Variants in RCBTB1 observed in about 807,000 individuals in gnomAD.
RCBTB1 encodes RCC1 and BTB domain containing protein 1.
A neutral mutation model predicts 62.4 loss-of-function variants in RCBTB1; 46 were observed. That is an observed-to-expected ratio of 0.74 (90% CI 0.58 to 0.94). The LOEUF is 0.94. RCBTB1 is among the 40% of genes least tolerant of loss of function. RCBTB1 has a pLI of 0.00. For synonymous variants in RCBTB1, 222 were observed against 245.8 expected, an observed-to-expected ratio of 0.90 and a Z score of 0.91; for missense variants, 565 against 654.9, an observed-to-expected ratio of 0.86 and a Z score of 1.50.
intron 9 of RCBTB1, among the ~76,000 whole-genome samples, chr13:49,548,041 A>G (rs955724407): frequency 4.6e-5 from 7 of 152,090 alleles, no homozygotes; most frequent in Non-Finnish European, 8.8e-5. Flanking sequence ...GGCCTCCCAA[A>G]GTGCTGAGAT....
Position 49,544,968 on chromosome 13 carries a change from T to G in RCBTB1, c.1046-105A>C, listed in dbSNP as rs1960683137. 2.6e-5 allele frequency: 24 copies of G among 932,656 alleles called. 1 individual carries two copies. In the South Asian group the frequency reaches 4.0e-4, roughly 15 times the overall value. 57.8% of individuals were successfully genotyped at this position (932,656 alleles called of 1,614,324 possible). On this transcript the variant is annotated intron_variant, in intron 9 of 12. Transcript: ENST00000378302. The stretch of plus-strand genomic sequence containing the variant: ...TGACCGTGATGGATAATTCCACTTG[T>G]TTTTTTTTCAAGAGTTCATACCTTG...
chr13:49,559,588 G>A (rs946895821), intron 5 of RCBTB1, among the ~76,000 whole-genome samples: 4 of 149,172 alleles, frequency 2.7e-5, no homozygotes, highest in Admixed American at 2.7e-4. Flanking sequence ...CCCGGGAGGC[G>A]GAGCTTGCAG....
intron 12 of RCBTB1, among the ~76,000 whole-genome samples, chr13:49,537,048 G>A (rs749092803): frequency 5.3e-5 from 8 of 152,132 alleles, no homozygotes; most frequent in Non-Finnish European, 8.8e-5. Context: ...CCGCCTCTAA[G>A]GGAGTTCTTA....
chr13:49,547,170 C>T (rs1157800821), intron 9 of RCBTB1: 1 of 1,140,634 alleles, frequency 8.8e-7, no homozygotes, highest in Non-Finnish European at 1.1e-6. Flanking sequence ...TCACAATACT[C>T]ACTGCAAAAA....
In RCBTB1 at chr13:49,533,439, A is replaced by AT. The variant is rs1285375582; in HGVS notation, c.*682dup. 2.6e-5 allele frequency: 4 copies of AT among 152,222 alleles called. No homozygotes were observed. Among genetic ancestry groups the AT allele is most frequent in the African/African-American group, 9.7e-5 (4 of 41,450 alleles). The allele number at this position is 152,222 out of a possible 1,614,324, so 9.4% of individuals were successfully genotyped here. ...ATCAACTTTTCACGGATACTTCTAA[A>AT]TTACTATTCTTTATGCACTTAAATC... On this transcript the variant is annotated 3_prime_UTR_variant, in exon 13 of 13. Coordinates refer to ENST00000378302, the MANE Select transcript of RCBTB1 (RefSeq NM_018191.4).
rs564737626 is a variant in RCBTB1 at position 49,558,221 on chromosome 13, T to C, written c.444+1697A>G. ...AGCTGTATACATGTCTCAATGATTCTAGTGAGAGTGAGTGTGGGGGTATAC... is the reference window on the plus strand; with the variant it reads ...AGCTGTATACATGTCTCAATGATTCCAGTGAGAGTGAGTGTGGGGGTATAC... On this transcript the variant is annotated intron_variant, in intron 5 of 12. Transcript: ENST00000378302. Among the ~76,000 whole-genome samples the C allele has an allele frequency of 7.2e-5, 11 of 152,276 alleles. No individual in the cohort carries two copies. In the South Asian group the frequency reaches 2.1e-3, roughly 29 times the overall value.
intron 12 of RCBTB1, among the ~76,000 whole-genome samples, chr13:49,539,014 TAC>T (rs1960144781): frequency 6.6e-6 from 1 of 151,614 alleles, no homozygotes; most frequent in Non-Finnish European, 1.5e-5. Context: ...GGATTACAGG[TAC>T]GCACCACCAC....
chr13:49,556,273 T>G (rs1961860457), intron 5 of RCBTB1, among the ~76,000 whole-genome samples: 1 of 149,284 alleles, frequency 6.7e-6, no homozygotes, highest in African/African-American at 2.5e-5. Context: ...CTCAGCTCAC[T>G]GCCAGCCCCG....
chr13:49,564,619 CG>C (rs1299146308), intron 4 of RCBTB1, among the ~76,000 whole-genome samples: 1 of 135,246 alleles, frequency 7.4e-6, no homozygotes, highest in Non-Finnish European at 1.5e-5. Flanking sequence ...ATGCCGGGCG[CG>C]GTGGCTCACG....
chr13:49,541,885 A>C, intron 10 of RCBTB1, 58 bp from the exon 11 acceptor site: 1 of 1,522,804 alleles, frequency 6.6e-7, no homozygotes, highest in Admixed American at 2.1e-5. Context: ...AAAAGAAAAA[A>C]AAATTACCTA....
rs1026572748 is a variant in RCBTB1 at position 49,585,530 on chromosome 13, G to T, written c.-208C>A. ...GGGCGCAGAAGTGCGAGCGAGCGGC[G>T]GTGCCCACCGGCAGCGAAGAGGAGG... On this transcript the variant is annotated 5_prime_UTR_variant, in exon 1 of 13. Transcript: ENST00000378302. 1.3e-5 allele frequency: 2 copies of T among 152,192 alleles called. No individual in the cohort carries two copies. Among genetic ancestry groups the T allele is most frequent in the Non-Finnish European group, 2.9e-5 (2 of 68,000 alleles). The allele number at this position is 152,192 out of a possible 1,614,324, so 9.4% of individuals were successfully genotyped here. A position where few individuals can be genotyped will look rare whatever the true frequency, so the allele number is the denominator to read the frequency against.
intron 8 of RCBTB1, 139 bp from the exon 9 acceptor site, chr13:49,549,787 C>G (rs926077724): frequency 7.0e-7 from 1 of 1,431,474 alleles, no homozygotes; most frequent in Non-Finnish European, 9.1e-7. Context: ...TGCCAAGTCA[C>G]AGCAACAAAA....
At chr13:49,564,583 CAAAAAAAAAAAA>C (rs10710755) in intron 4 of RCBTB1, among the ~76,000 whole-genome samples, 2 of 39,326 alleles carry the variant, frequency 5.1e-5, no homozygotes, top group Admixed American at 4.5e-4. Flanking sequence ...GACTCCTTCT[CAAAAAAAAAAAA>C]AAAAAAAAAA....
In RCBTB1 at chr13:49,534,133, A is replaced by T; in HGVS notation, c.1585T>A (p.Phe529Ile). 1 of 1,613,900 alleles carries T rather than the reference A, an allele frequency of 6.2e-7. No individual in the cohort carries two copies. Residue 529 changes from phenylalanine (F) to isoleucine (I), a missense_variant, in exon 13 of 13, where the codon TTT becomes ATT. Phe to Ile is a conservative substitution (Grantham distance 21, BLOSUM62 0). Transcript: ENST00000378302. ...AGCAGCCTTGCGCTTCAGTTCTTAAAGGCTCCACATTTACTGGCTTTAGCA... is the reference window on the plus strand; with the variant it reads ...AGCAGCCTTGCGCTTCAGTTCTTAATGGCTCCACATTTACTGGCTTTAGCA... ...FIAKASKCGA[F>I]KN is the part of the protein sequence containing the mutation.
intron 2 of RCBTB1, among the ~76,000 whole-genome samples, chr13:49,568,210 T>G (rs2137326401): frequency 6.6e-6 from 1 of 152,342 alleles, no homozygotes; most frequent in South Asian, 2.1e-4. Context: ...CATTCTATAT[T>G]AGCACACATA....
chr13:49,549,407 C>G, intron 9 of RCBTB1, 51 bp downstream of exon 9: 2 of 1,517,704 alleles, frequency 1.3e-6, no homozygotes, highest in Non-Finnish European at 1.8e-6. Context: ...GAAAACTGGT[C>G]AGTTGGTAGT....
intron 5 of RCBTB1, among the ~76,000 whole-genome samples, chr13:49,556,675 T>C (rs1341774123): frequency 2.0e-5 from 3 of 152,182 alleles, no homozygotes; most frequent in African/African-American, 7.2e-5. Context: ...GATTCTTGTC[T>C]GATGCTGGCC....
At chr13:49,558,870 C>T (rs1962179729) in intron 5 of RCBTB1, among the ~76,000 whole-genome samples, 1 of 152,190 alleles carries the variant, frequency 6.6e-6, no homozygotes, top group African/African-American at 2.4e-5. Context: ...ACATTTATTC[C>T]TTGACTTAAC....
At chr13:49,584,506 C>T (rs561188971) in intron 1 of RCBTB1, among the ~76,000 whole-genome samples, 2 of 152,344 alleles carry the variant, frequency 1.3e-5, no homozygotes, top group African/African-American at 4.8e-5. Context: ...GAAATGAGTA[C>T]TCTAAAGTTT....
Sources: allele counts gnomAD v4.1 joint callset (sites outside exome capture counted in the v4.1 genomes callset), GRCh38; gene constraint gnomAD v4.1.1; transcripts MANE v1.5; gene names NCBI Gene and HGNC (gene_info 2026-07-23, HGNC 2026-07-21).